The following MTRF1 variants were observed in gnomAD, a reference collection of about 807,000 sequenced individuals.
The protein encoded by MTRF1 is mitochondrial translation release factor 1, also known as peptide chain release factor 1, mitochondrial.
Under a neutral mutation model 62.9 loss-of-function variants are expected in MTRF1, and 51 were observed. The ratio of observed to expected loss-of-function variants is 0.81; its 90% CI spans 0.65 to 1.02. The LOEUF is 1.02. Ranked by LOEUF, MTRF1 falls within the 50% of genes least tolerant of loss-of-function variation. The pLI is 0.00. For missense variants in MTRF1, 446 were observed against 530.0 expected, an observed-to-expected ratio of 0.84 and a Z score of 1.56; for synonymous variants, 158 against 181.9, an observed-to-expected ratio of 0.87 and a Z score of 1.06.
intron 3 of MTRF1, among the ~76,000 whole-genome samples, chr13:41,253,801 A>G (rs912334853): frequency 2.0e-5 from 3 of 152,196 alleles, no homozygotes; most frequent in African/African-American, 7.2e-5. Context: ...TTCAATTTGT[A>G]ATAAAAATAA....
rs750499462 is a variant in MTRF1, at chr13:41,225,105, G to A, written c.1125+1327C>T. Reference sequence around the variant, plus strand: ...TGCATGTCTGTAATCCCAGCCACTCGGGAAGCTGAGGCACAAGAATCGCTT... The same window carrying A: ...TGCATGTCTGTAATCCCAGCCACTCAGGAAGCTGAGGCACAAGAATCGCTT... On this transcript the variant is annotated intron_variant, in intron 8 of 9. Transcript: ENST00000379480. 9.9e-5 allele frequency among the ~76,000 whole-genome samples: 15 copies of A among 151,664 alleles called. No homozygotes were observed. In the East Asian group the frequency reaches 1.8e-3, roughly 18 times the overall value.
At chr13:41,228,294 C>A (rs141492372) in intron 7 of MTRF1, among the ~76,000 whole-genome samples, 1 of 152,088 alleles carries the variant, frequency 6.6e-6, no homozygotes. Flanking sequence ...GGGCTGGGCA[C>A]GATGGCTCAC....
chr13:41,254,312 A>AT (rs1057088580), intron 3 of MTRF1, among the ~76,000 whole-genome samples: 359 of 147,240 alleles, frequency 2.4e-3, no homozygotes, highest in African/African-American at 7.4e-3. Flanking sequence ...TCAACTTTGA[A>AT]TTTTTTTTTT....
intron 5 of MTRF1, among the ~76,000 whole-genome samples, chr13:41,248,569 C>T (rs2038599793): frequency 6.6e-6 from 1 of 152,208 alleles, no homozygotes; most frequent in African/African-American, 2.4e-5. Context: ...GACCAAAGTT[C>T]CCACTGTATG....
At chr13:41,269,972 G>C in the MTRF1 span, among the ~76,000 whole-genome samples, 2 of 152,102 alleles carry the variant, frequency 1.3e-5, no homozygotes, top group Admixed American at 1.3e-4. Context: ...AAACTTTACT[G>C]CCTGTGGACT....
intron 7 of MTRF1, among the ~76,000 whole-genome samples, chr13:41,231,845 A>G (rs2138816925): frequency 6.7e-6 from 1 of 149,216 alleles, no homozygotes; most frequent in East Asian, 2.0e-4. Context: ...GTTGGAGACC[A>G]GCTTGGGCAA....
At chr13:41,277,425 T>C in the MTRF1 span, among the ~76,000 whole-genome samples, 83 of 152,254 alleles carry the variant, frequency 5.5e-4, 2 homozygotes, top group South Asian at 0.017. Flanking sequence ...AGTCACCATG[T>C]CCTGCCAAAC....
chr13:41,240,641 A>C lies in MTRF1; in HGVS notation c.698-208T>G, dbSNP rs533925404. The stretch of plus-strand genomic sequence containing the variant: ...ACAGTTTTCCAATGTAAATGTATTA[A>C]AATACAAAAGGAAACATACCAAAAT... On this transcript the variant is annotated intron_variant, in intron 5 of 9. Transcript: ENST00000379480. Among the ~76,000 whole-genome samples, 9 of 152,202 alleles carry C rather than the reference A, an allele frequency of 5.9e-5. No homozygotes were observed. The South Asian group carries it at 1.9e-3, about 31-fold the overall frequency.
At chr13:41,299,703 C>A in the MTRF1 span, among the ~76,000 whole-genome samples, 2 of 151,162 alleles carry the variant, frequency 1.3e-5, no homozygotes, top group African/African-American at 4.9e-5. Flanking sequence ...GTCAATTGAA[C>A]TGAGCTTCAC....
chr13:41,224,662 G>C (rs1372735779), intron 8 of MTRF1, among the ~76,000 whole-genome samples: 1 of 152,180 alleles, frequency 6.6e-6, no homozygotes, highest in Non-Finnish European at 1.5e-5. Context: ...TGGGGCCTGG[G>C]CATCTACGAA....
At chr13:41,300,474 T>A in the MTRF1 span, among the ~76,000 whole-genome samples, 1 of 151,434 alleles carries the variant, frequency 6.6e-6, no homozygotes, top group Non-Finnish European at 1.5e-5. Flanking sequence ...TAGTCCCAGC[T>A]ACTCGGGAGG....
chr13:41,262,587 A>T (rs1250110540), intron 1 of MTRF1: 1 of 152,216 alleles, frequency 6.6e-6, no homozygotes, highest in African/African-American at 2.4e-5. Flanking sequence ...ATCAAGAGCT[A>T]ACAAAAGTAC....
upstream of MTRF1, among the ~76,000 whole-genome samples, chr13:41,267,043 TTC>T (rs2040848772): frequency 6.6e-6 from 1 of 152,108 alleles, no homozygotes; most frequent in South Asian, 2.1e-4. Context: ...CAGATTTTTT[TTC>T]TCTTTTTTGT....
At chr13:41,289,338 A>G in the MTRF1 span, among the ~76,000 whole-genome samples, 1 of 151,486 alleles carries the variant, frequency 6.6e-6, no homozygotes, top group Admixed American at 6.6e-5. Context: ...CCTGGGTTCA[A>G]GTGATTCTCC....
Position 41,254,590 on chromosome 13 carries a change from T to G in MTRF1, c.446A>C (p.Gln149Pro). The G allele has an allele frequency of 1.9e-6, 3 of 1,613,572 alleles. No individual in the cohort carries two copies. The highest frequency in any genetic ancestry group is 2.5e-6 in the Non-Finnish European group (3 of 1,179,740). Residue 149 changes from glutamine (Q) to proline (P), a missense_variant, in exon 3 of 10, where the codon CAA (glutamine) becomes CCA (proline). Transcript: ENST00000379480. ...TTGCCTTTCTTCCAGTGCAAGTTCT[T>G]GTAACTGCTTTTCATCTTGTTTATT... is the stretch of plus-strand genomic sequence containing the variant. The part of the protein sequence containing the change: ...SLNKQDEKQL[Q>P]ELALEERQTI...
At chr13:41,308,949 T>C in the MTRF1 span, among the ~76,000 whole-genome samples, 1 of 152,216 alleles carries the variant, frequency 6.6e-6, no homozygotes, top group African/African-American at 2.4e-5. Flanking sequence ...GTGTTTATAA[T>C]TCCACCTGTA....
chr13:41,284,391 G>T, the MTRF1 span, among the ~76,000 whole-genome samples: 1 of 151,394 alleles, frequency 6.6e-6, no homozygotes, highest in East Asian at 2.0e-4. Context: ...GCTCAGGCAG[G>T]AGAATCACTT....
At chr13:41,228,430 G>A (rs1395766146) in intron 7 of MTRF1, among the ~76,000 whole-genome samples, 1 of 152,080 alleles carries the variant, frequency 6.6e-6, no homozygotes, top group Non-Finnish European at 1.5e-5. Context: ...TAGCCAGCGT[G>A]GTAGCTGCAC....
At chr13:41,273,296 A>G in the MTRF1 span, among the ~76,000 whole-genome samples, 1 of 151,258 alleles carries the variant, frequency 6.6e-6, no homozygotes, top group Admixed American at 6.6e-5. Context: ...ACTGCACTCC[A>G]GCCTGGGCTA....
Sources: gnomAD v4.1 joint callset for allele counts (sites outside exome capture counted in the v4.1 genomes callset) on GRCh38, gnomAD v4.1.1 for gene constraint, MANE v1.5 for transcripts, NCBI Gene and HGNC (gene_info 2026-07-23, HGNC 2026-07-21) for gene names.